SHANK2: variants seen among roughly 807,000 people sequenced by gnomAD.
SHANK2 encodes the protein SH3 and multiple ankyrin repeat domains 2.
In SHANK2, 43 loss-of-function variants were observed where a neutral mutation model predicts 133.7. The ratio of observed to expected loss-of-function variants is 0.32; its 90% CI spans 0.25 to 0.41. The LOEUF (loss-of-function observed/expected upper bound fraction) is 0.41. Among genes scored for constraint, SHANK2 ranks in the 10% least tolerant of loss-of-function variants. The pLI, the probability that SHANK2 is intolerant of heterozygous loss-of-function variation, is 1.00. For missense variants in SHANK2, 1,994 were observed against 2,235.8 expected, an observed-to-expected ratio of 0.89 and a Z score of 2.18; for synonymous variants, 1,017 against 952.8, an observed-to-expected ratio of 1.07 and a Z score of -1.24.
chr11:70,794,286 A>AG (rs1331280798), intron 14 of SHANK2, among the ~76,000 whole-genome samples: 1 of 151,668 alleles, frequency 6.6e-6, no homozygotes, highest in Non-Finnish European at 1.5e-5. Context: ...CAGAAAAAAA[A>AG]AAAAAAACAA....
At position 71,063,210 on chromosome 11, in the gene SHANK2, C is replaced by T. The variant is rs1348525916; in HGVS notation, c.1030-6652G>A. Among the ~76,000 whole-genome samples, 9 of 152,242 alleles carry T rather than the reference C, an allele frequency of 5.9e-5. No homozygotes were observed. In the South Asian group the frequency reaches 1.5e-3, roughly 25 times the overall value. Reference sequence around the variant, plus strand: ...CTCAGCAGGCACTGCCATTCCAGGGCGATACAGTTAGGATCCAAGAAAAAT... The same window carrying T: ...CTCAGCAGGCACTGCCATTCCAGGGTGATACAGTTAGGATCCAAGAAAAAT... On this transcript the variant is annotated intron_variant, in intron 9 of 25. Coordinates refer to ENST00000601538, the MANE Select transcript of SHANK2 (RefSeq NM_012309.5).
chr11:70,703,766 A>G (rs1945597162), intron 14 of SHANK2, among the ~76,000 whole-genome samples: 1 of 152,202 alleles, frequency 6.6e-6, no homozygotes, highest in Non-Finnish European at 1.5e-5. Context: ...CCCGAGGTCA[A>G]TTCTGCCTCA....
intron 14 of SHANK2, among the ~76,000 whole-genome samples, chr11:70,777,252 C>A (rs1324986368): frequency 1.3e-5 from 2 of 151,866 alleles, no homozygotes; most frequent in Non-Finnish European, 2.9e-5. Context: ...TCCATTCATC[C>A]ACTTATCCAT....
intron 17 of SHANK2, among the ~76,000 whole-genome samples, chr11:70,543,540 G>T (rs2059650164): frequency 6.6e-6 from 1 of 152,208 alleles, no homozygotes; most frequent in South Asian, 2.1e-4. Flanking sequence ...CTGAATAGAT[G>T]AACACGTGGA....
chr11:71,158,694 C>G (rs1555109416), intron 2 of SHANK2, among the ~76,000 whole-genome samples: 3 of 152,158 alleles, frequency 2.0e-5, no homozygotes, highest in African/African-American at 7.2e-5. Context: ...ACTCATTCTA[C>G]CAGATGCCAA....
intron 8 of SHANK2, among the ~76,000 whole-genome samples, chr11:71,085,228 G>A (rs1951361572): frequency 6.6e-6 from 1 of 151,776 alleles, no homozygotes; most frequent in African/African-American, 2.4e-5. Context: ...AGGTTGAGGA[G>A]GGCAGATCAC....
At chr11:71,060,146 T>G (rs1950970955) in intron 9 of SHANK2, among the ~76,000 whole-genome samples, 1 of 152,142 alleles carries the variant, frequency 6.6e-6, no homozygotes, top group African/African-American at 2.4e-5. Flanking sequence ...CACGGGAACA[T>G]CCGGCAATGT....
intron 25 of SHANK2, among the ~76,000 whole-genome samples, chr11:70,476,119 C>T (rs2058659951): frequency 6.6e-6 from 1 of 151,812 alleles, no homozygotes; most frequent in Admixed American, 6.6e-5. Context: ...ATCCCAGCTA[C>T]TGGGAGGCTG....
intron 11 of SHANK2, among the ~76,000 whole-genome samples, chr11:70,883,043 G>A (rs1266608748): frequency 1.3e-5 from 2 of 152,098 alleles, no homozygotes; most frequent in Admixed American, 6.5e-5. Context: ...AGGAGTGAAG[G>A]GGCGGCTCCG....
At chr11:70,952,801 T>C in intron 10 of SHANK2, 1 of 435,234 alleles carries the variant, frequency 2.3e-6, no homozygotes, top group Admixed American at 2.7e-5. Flanking sequence ...ACCTATGGTC[T>C]CTGGTAGCTG....
chr11:70,596,103 GT>G (rs1461546545), intron 17 of SHANK2, among the ~76,000 whole-genome samples: 3 of 152,346 alleles, frequency 2.0e-5, no homozygotes, highest in African/African-American at 7.2e-5. Flanking sequence ...TGACACCTTG[GT>G]TTCAGAATTC....
rs148026131 is a variant in SHANK2 at position 71,220,907 on chromosome 11, A to T, written c.-13+3790T>A. Among the ~76,000 whole-genome samples the T allele has an allele frequency of 9.7e-4, 147 of 152,306 alleles. 1 individual carries two copies. The highest frequency in any genetic ancestry group is 3.3e-3 in the African/African-American group (138 of 41,582). On this transcript the variant is annotated intron_variant, in intron 2 of 25. Transcript: ENST00000601538. ...TGCCACTGAATGGCACACTTTAAAA[A>T]TCGTGAAGATGGGCCAGGCACGGTG... is the stretch of plus-strand genomic sequence containing the variant.
chr11:71,179,559 T>C (rs576346026), intron 2 of SHANK2, among the ~76,000 whole-genome samples: 1 of 152,216 alleles, frequency 6.6e-6, no homozygotes, highest in African/African-American at 2.4e-5. Context: ...CTTACAAGGC[T>C]GAGGCGTCCA....
At chr11:70,863,102 G>A (rs941510231) in intron 11 of SHANK2, among the ~76,000 whole-genome samples, 2 of 152,184 alleles carry the variant, frequency 1.3e-5, no homozygotes, top group African/African-American at 4.8e-5. Context: ...TTATACCTGG[G>A]TAGGTCTAGA....
At chr11:71,198,066 C>A (rs1480373446) in intron 2 of SHANK2, among the ~76,000 whole-genome samples, 1 of 152,194 alleles carries the variant, frequency 6.6e-6, no homozygotes, top group Non-Finnish European at 1.5e-5. Flanking sequence ...CAGCTCCACA[C>A]CCAGCCTTCA....
chr11:71,133,237 A>AATGG (rs533210236), intron 3 of SHANK2, among the ~76,000 whole-genome samples: 19,823 of 108,882 alleles, frequency 0.18, 2,032 homozygotes, highest in African/African-American at 0.32. Context: ...TGCACAGATG[A>AATGG]ATGGATGGAT....
intron 14 of SHANK2, among the ~76,000 whole-genome samples, chr11:70,709,876 G>A (rs1311633028): frequency 6.6e-6 from 1 of 152,180 alleles, no homozygotes; most frequent in Admixed American, 6.5e-5. Flanking sequence ...CACCAGTGGG[G>A]CGGGTGGGCT....
At chr11:70,740,311 C>T (rs539405251) in intron 14 of SHANK2, among the ~76,000 whole-genome samples, 11 of 152,326 alleles carry the variant, frequency 7.2e-5, no homozygotes, top group Admixed American at 2.6e-4. Context: ...AATGGGTTCT[C>T]GTGACAACCC....
At chr11:71,104,199 A>G (rs1951768295) in intron 6 of SHANK2, among the ~76,000 whole-genome samples, 1 of 152,174 alleles carries the variant, frequency 6.6e-6, no homozygotes, top group Non-Finnish European at 1.5e-5. Flanking sequence ...TTATCATTCA[A>G]TTTAGGAGAC....
Sources: allele counts gnomAD v4.1 joint callset (sites outside exome capture counted in the v4.1 genomes callset), GRCh38; gene constraint gnomAD v4.1.1; transcripts MANE v1.5; gene names NCBI Gene and HGNC (gene_info 2026-07-23, HGNC 2026-07-21).